The following HDX variants were observed in gnomAD, a reference collection of about 807,000 sequenced individuals.
The protein encoded by HDX is chromosome X open reading frame 43.
HDX carries 19 observed loss-of-function variants against 45.2 expected under a neutral mutation model. The observed-to-expected ratio is 0.42, with a 90% CI of 0.29 to 0.62. HDX has a LOEUF of 0.62. Ranked by LOEUF, HDX falls within the 20% of genes least tolerant of loss-of-function variation. The probability of loss-of-function intolerance (pLI) is 0.20; values close to 1 mark genes in which losing one functional copy is unlikely to be tolerated. For missense variants in HDX, 532 were observed against 493.9 expected (o/e 1.08, Z -0.73); for synonymous variants, 188 against 172.8 (o/e 1.09, Z -0.69).
At chrX:84,489,081 T>A (rs915341282) in intron 1 of HDX, among the ~76,000 whole-genome samples, 1 of 111,710 alleles carries the variant, frequency 9.0e-6, no homozygotes, top group African/African-American at 3.3e-5. Flanking sequence ...GGTTTACTCA[T>A]GACTCTATCA....
chrX:84,417,757 G>C (rs1324276456), intron 5 of HDX, among the ~76,000 whole-genome samples: 6 of 112,053 alleles, frequency 5.4e-5, no homozygotes, highest in Admixed American at 9.4e-5. Flanking sequence ...CACTCCCCAA[G>C]GAGCTGGATT....
chrX:84,411,513 T>C (rs913196631), intron 5 of HDX, among the ~76,000 whole-genome samples: 5 of 112,078 alleles, frequency 4.5e-5, no homozygotes, highest in African/African-American at 1.6e-4. Context: ...TATTGCACTG[T>C]GATCCTAGAG....
intron 5 of HDX, among the ~76,000 whole-genome samples, chrX:84,420,338 G>A (rs2039222017): frequency 8.9e-6 from 1 of 111,785 alleles, no homozygotes; most frequent in African/African-American, 3.3e-5. Flanking sequence ...AATGCAATGG[G>A]CATACTGAAG....
At chrX:84,375,831 A>T (rs2038041092) in intron 5 of HDX, among the ~76,000 whole-genome samples, 1 of 111,270 alleles carries the variant, frequency 9.0e-6, no homozygotes, top group South Asian at 3.8e-4. Flanking sequence ...CCAGCATGGC[A>T]CATGTATACA....
intron 9 of HDX, among the ~76,000 whole-genome samples, 193 bp from the exon 10 acceptor site, chrX:84,326,493 C>G (rs776349098): frequency 2.5e-4 from 28 of 111,393 alleles, no homozygotes; most frequent in African/African-American, 7.2e-4. Context: ...AAGCAAATCA[C>G]TAATAGAAAA....
intron 4 of HDX, among the ~76,000 whole-genome samples, chrX:84,458,696 A>G (rs1418512390): frequency 9.0e-6 from 1 of 111,597 alleles, no homozygotes; most frequent in Non-Finnish European, 1.9e-5. Flanking sequence ...CCCACACATT[A>G]TTAATGCTTA....
intron 4 of HDX, among the ~76,000 whole-genome samples, chrX:84,457,073 A>T: frequency 8.9e-6 from 1 of 111,794 alleles, no homozygotes; most frequent in Non-Finnish European, 1.9e-5. Flanking sequence ...CAGAATACAC[A>T]TTCTTCCCCT....
chrX:84,336,105 A>G (rs779519477), intron 8 of HDX, among the ~76,000 whole-genome samples: 50 of 110,775 alleles, frequency 4.5e-4, no homozygotes, highest in African/African-American at 1.5e-3. Context: ...TCCCCTTTAT[A>G]TCTGACTCTT....
At chrX:84,456,654 C>A (rs941400565) in intron 4 of HDX, among the ~76,000 whole-genome samples, 6 of 111,230 alleles carry the variant, frequency 5.4e-5, no homozygotes, top group Non-Finnish European at 1.1e-4. Context: ...TATAAAGACA[C>A]ACCTAGACTG....
chrX:84,388,396 T>C (rs1408328858), intron 5 of HDX, among the ~76,000 whole-genome samples: 1 of 111,786 alleles, frequency 8.9e-6, no homozygotes, highest in African/African-American at 3.3e-5. Flanking sequence ...CTCCAATATA[T>C]TTTTAAGTCG....
At chrX:84,386,054 T>C (rs1310848570) in intron 5 of HDX, among the ~76,000 whole-genome samples, 2 of 110,399 alleles carry the variant, frequency 1.8e-5, no homozygotes, top group Admixed American at 1.9e-4. Context: ...GTTGAAGGTT[T>C]TTATCATGAA....
intron 5 of HDX, among the ~76,000 whole-genome samples, chrX:84,435,223 T>C (rs1053547837): frequency 1.8e-5 from 2 of 111,755 alleles, no homozygotes; most frequent in African/African-American, 6.5e-5. Context: ...TTCTTGATTT[T>C]CTACTTACTT....
chrX:84,464,886 G>A lies in HDX; in HGVS notation c.1251+3586C>T, dbSNP rs752291210. ...AAGAAACTATCATCAGAGTGAACAG[G>A]CAACCTACAGAATGGGAGAAAATTT... On this transcript the variant is annotated intron_variant, in intron 4 of 10. Transcript: ENST00000373177. Among the ~76,000 whole-genome samples the A allele has an allele frequency of 4.5e-5, 5 of 111,515 alleles. No individual in the cohort carries two copies. The South Asian group carries it at 1.9e-3, about 41-fold the overall frequency.
At chrX:84,421,613 G>T (rs1205271495) in intron 5 of HDX, among the ~76,000 whole-genome samples, 2 of 103,689 alleles carry the variant, frequency 1.9e-5, no homozygotes, top group Admixed American at 1.1e-4. Flanking sequence ...ACAATCAAAA[G>T]ACATAGACTG....
chrX:84,487,445 T>C (rs940060061), intron 2 of HDX, among the ~76,000 whole-genome samples: 4 of 112,072 alleles, frequency 3.6e-5, no homozygotes, highest in African/African-American at 1.3e-4. Context: ...ATCTACTATG[T>C]CAGATTCAAC....
chrX:84,321,613 A>G lies in HDX; in HGVS notation c.*276T>C, dbSNP rs762800674. Reference sequence around the variant, plus strand: ...TTGTCTCTGGTTAGAAATTAGACATAATGAATTTCAGGGTTAAACTGCTGA... The same window carrying G: ...TTGTCTCTGGTTAGAAATTAGACATGATGAATTTCAGGGTTAAACTGCTGA... On this transcript the variant is annotated 3_prime_UTR_variant, in exon 11 of 11. Transcript: ENST00000373177. 9.5e-5 allele frequency: 15 copies of G among 157,218 alleles called. No individual in the cohort carries two copies. Among genetic ancestry groups the G allele is most frequent in the Non-Finnish European group, 1.8e-4 (15 of 82,630 alleles). 13.0% of individuals were successfully genotyped at this position (157,218 alleles called of 1,213,427 possible).
intron 5 of HDX, among the ~76,000 whole-genome samples, chrX:84,439,613 A>C (rs2039717458): frequency 9.0e-6 from 1 of 111,472 alleles, no homozygotes; most frequent in African/African-American, 3.3e-5. Context: ...ATTCTTCTGC[A>C]CATGGCTAGC....
intron 2 of HDX, among the ~76,000 whole-genome samples, chrX:84,476,560 A>C: frequency 9.4e-6 from 1 of 106,538 alleles, no homozygotes; most frequent in South Asian, 4.0e-4. Flanking sequence ...AAAAAAAAAA[A>C]AAAGAGGAAA....
At chrX:84,387,446 T>C (rs2038344955) in intron 5 of HDX, among the ~76,000 whole-genome samples, 1 of 111,767 alleles carries the variant, frequency 8.9e-6, no homozygotes. Context: ...AGTATTATTG[T>C]GTGATTGTCT....
Sources: allele counts gnomAD v4.1 joint callset (sites outside exome capture counted in the v4.1 genomes callset), GRCh38; gene constraint gnomAD v4.1.1; transcripts MANE v1.5; gene names NCBI Gene and HGNC (gene_info 2026-07-23, HGNC 2026-07-21).